The following SALL3 variants were observed in gnomAD, a reference collection of about 807,000 sequenced individuals.
The protein encoded by SALL3 is sal-like protein 3.
In SALL3, 25 loss-of-function variants were observed where a neutral mutation model predicts 66.2. The ratio of observed to expected loss-of-function variants is 0.38; its 90% CI spans 0.28 to 0.53. The LOEUF (loss-of-function observed/expected upper bound fraction) is 0.53. Among genes scored for constraint, SALL3 ranks in the 20% least tolerant of loss-of-function variants. The pLI, the probability that SALL3 is intolerant of heterozygous loss-of-function variation, is 0.85. For missense variants in SALL3, 2,194 were observed against 1,916.5 expected (o/e 1.14, Z -2.70); for synonymous variants, 1,152 against 899.1 (o/e 1.28, Z -5.03).
intron 1 of SALL3, among the ~76,000 whole-genome samples, chr18:78,989,434 T>C (rs1184616213): frequency 1.3e-5 from 2 of 152,196 alleles, no homozygotes; most frequent in African/African-American, 4.8e-5. Context: ...TGTGACAAAA[T>C]CTGGGAAATG....
At chr18:78,995,926 C>T (rs929920239) in intron 2 of SALL3, among the ~76,000 whole-genome samples, 2 of 152,144 alleles carry the variant, frequency 1.3e-5, no homozygotes, top group African/African-American at 2.4e-5. Context: ...ATGCCTTCAG[C>T]CAGGTTAGGC....
chr18:78,997,507 C>G lies in SALL3; in HGVS notation c.*185C>G. On this transcript the variant is annotated 3_prime_UTR_variant, in exon 3 of 3. Transcript: ENST00000537592. ...CCCTTCAACAGCAAGCCTGACTGTT[C>G]TCGAGAACTCTGCAATCTTTTAAAT... 1 of 593,694 alleles carries G rather than the reference C, an allele frequency of 1.7e-6. No homozygotes were observed. Among genetic ancestry groups the G allele is most frequent in the Non-Finnish European group, 2.9e-6 (1 of 343,462 alleles). 36.8% of individuals were successfully genotyped at this position (593,694 alleles called of 1,614,324 possible).
chr18:78,983,348 T>C (rs1914137784), intron 1 of SALL3, among the ~76,000 whole-genome samples: 1 of 152,192 alleles, frequency 6.6e-6, no homozygotes, highest in African/African-American at 2.4e-5. Flanking sequence ...CACTAAGAAC[T>C]TTAAAAGATA....
At chr18:78,991,386 G>GGA (rs750245755) in intron 1 of SALL3, among the ~76,000 whole-genome samples, 5 of 92,748 alleles carry the variant, frequency 5.4e-5, no homozygotes, top group South Asian at 4.5e-4. Flanking sequence ...ACAAGGGTGG[G>GGA]GGGGGGGGAA....
At position 78,998,506 on chromosome 18, in the gene SALL3, CTG is replaced by C. The variant is rs1288235021; in HGVS notation, c.*1187_*1188del. 6.6e-6 allele frequency: 1 copy of C among 152,200 alleles called. No individual in the cohort carries two copies. The highest frequency in any genetic ancestry group is 1.5e-5 in the Non-Finnish European group (1 of 68,034). The allele number at this position is 152,200 out of a possible 1,614,324, so 9.4% of individuals were successfully genotyped here. On this transcript the variant is annotated 3_prime_UTR_variant, in exon 3 of 3. Transcript: ENST00000537592. ...CTTTTCCACAAAGCCCACTTTAAAA[CTG>C]TGACCGCCCCCTAACGAAACCTTGG... is the stretch of plus-strand genomic sequence containing the variant.
At position 78,995,311 on chromosome 18, in the gene SALL3, G is replaced by C. The variant is rs772685704; in HGVS notation, c.3320G>C (p.Arg1107Pro). The C allele has an allele frequency of 6.4e-7, 1 of 1,568,788 alleles. No homozygotes were observed. ...GLAPMLAPPP[R>P]RTPKQHNCQS... ...GCGCCCATGCTGGCCCCCCCACCGC[G>C]CCGGACGCCCAAGCAGCACAACTGC... Residue 1107 changes from arginine (R) to proline (P), a missense_variant, in exon 2 of 3, where the codon CGC becomes CCC. Physicochemically the swap from Arg to Pro is moderately radical, Grantham distance 103. Transcript: ENST00000537592.
rs1914647418 is a variant in SALL3, at chr18:78,995,203, C to A, written c.3212C>A (p.Ala1071Asp). 6.2e-7 allele frequency: 1 copy of A among 1,609,872 alleles called. No homozygotes were observed. The change falls in exon 2 of 3, where the codon GCC (alanine) becomes GAC (aspartate). Residue 1071 changes from alanine (A) to aspartate (D), a missense_variant. By Grantham distance (126) the Ala-to-Asp change is moderately radical. Coordinates refer to ENST00000537592, the MANE Select transcript of SALL3 (RefSeq NM_171999.4). ...ATGGAAGTGAACGGTCACGGCAAGG[C>A]CATGGCGCTGGGCGAGGGTCCCCCG... Reference protein sequence around the residue: ...IKMEVNGHGKAMALGEGPPLP... With the variant: ...IKMEVNGHGKDMALGEGPPLP...
rs1344893514 is a variant in SALL3 at position 78,994,656 on chromosome 18, C to G, written c.2665C>G (p.Arg889Gly). ...GTCGGCCGTGGGCGACCTGGAGAGC[C>G]GCAGCGCGGGCAGCCCCGCCCTGTC... ...SSSAVGDLES[R>G]SAGSPALSES... Residue 889 changes from arginine to glycine, a missense_variant, in exon 2 of 3, where the codon CGC (arginine) becomes GGC (glycine). Transcript: ENST00000537592. 9 of 1,609,182 alleles carry G rather than the reference C, an allele frequency of 5.6e-6. No individual in the cohort carries two copies. Among genetic ancestry groups the G allele is most frequent in the Non-Finnish European group, 6.8e-6 (8 of 1,178,798 alleles).
rs1362405584 is a variant in SALL3 at position 78,980,173 on chromosome 18, CCGCGCCCCGCGCCG to C, written c.-94_-81del. On this transcript the variant is annotated 5_prime_UTR_variant, in exon 1 of 3. An upstream open reading frame in the 5' UTR loses its in-frame stop. Coordinates refer to ENST00000537592, the MANE Select transcript of SALL3 (RefSeq NM_171999.4). ...CGCGGCCCGCGCAGCCGCCGCCGCC[CCGCGCCCCGCGCCG>C]CGCGCCCGCCAGGCCGCCCCGCGCC... The C allele has an allele frequency of 3.6e-6, 1 of 276,354 alleles. No individual in the cohort carries two copies. The highest frequency in any genetic ancestry group is 5.4e-6 in the Non-Finnish European group (1 of 185,294). 17.1% of individuals were successfully genotyped at this position (276,354 alleles called of 1,614,324 possible).
At position 78,998,036 on chromosome 18, in the gene SALL3, TTTAAA is replaced by T. The variant is rs1914759901; in HGVS notation, c.*716_*720del. The T allele has an allele frequency of 6.6e-6, 1 of 150,570 alleles. No individual in the cohort carries two copies. The highest frequency in any genetic ancestry group is 1.5e-5 in the Non-Finnish European group (1 of 67,592). 9.3% of individuals were successfully genotyped at this position (150,570 alleles called of 1,614,324 possible). On this transcript the variant is annotated 3_prime_UTR_variant, in exon 3 of 3. Coordinates refer to ENST00000537592, the MANE Select transcript of SALL3 (RefSeq NM_171999.4). ...AAGCCTTTTTTTTTTTTTTTTTTAA[TTTAAA>T]TGTTTGTAGCTGCTATGTGGACAGT...
intron 1 of SALL3, among the ~76,000 whole-genome samples, chr18:78,988,678 G>A (rs1227333858): frequency 2.0e-5 from 3 of 152,052 alleles, no homozygotes; most frequent in African/African-American, 7.2e-5. Context: ...TGTGAAATTC[G>A]TTCTTATCTA....
At position 78,992,459 on chromosome 18, in the gene SALL3, G is replaced by A. The variant is rs1043985522; in HGVS notation, c.468G>A (p.Thr156=). 1.7e-5 allele frequency: 25 copies of A among 1,434,330 alleles called. No homozygotes were observed. Among genetic ancestry groups the A allele is most frequent in the African/African-American group, 3.0e-5 (2 of 65,898 alleles). The allele number at this position is 1,434,330 out of a possible 1,614,324, so 88.9% of individuals were successfully genotyped here. ...CGCCTGCGGCCCCTGCACCCCCAAC[G>A]CCCGCCTACGGCGCGCCCAGCACCA... ...RPPPAAPAPP[T]PAYGAPSTNV... The change falls in exon 2 of 3, where the codon ACG becomes ACA. Residue 156 remains threonine, a synonymous_variant. Transcript: ENST00000537592.
rs1208869288 is a variant in SALL3, at chr18:78,980,400, C to T, written c.82+44C>T. 13 of 1,245,382 alleles carry T rather than the reference C, an allele frequency of 1.0e-5. No individual in the cohort carries two copies. The East Asian group carries it at 3.7e-4, about 36-fold the overall frequency. 77.1% of individuals were successfully genotyped at this position (1,245,382 alleles called of 1,614,324 possible). The stretch of plus-strand genomic sequence containing the variant: ...GGGTGGCCGGGGGGTCTGGGGCTGC[C>T]CGTCCGGGCTGGGGAAGCGCGTGCG... On this transcript the variant is annotated intron_variant, in intron 1 of 2. Transcript: ENST00000537592.
At position 78,992,106 on chromosome 18, in the gene SALL3, A is replaced by C. The variant is rs377655976; in HGVS notation, c.115A>C (p.Ser39Arg). Reference sequence around the variant, plus strand: ...GGGGGAAGGTGCGGAGGACGCAGACAGCGGGCCCGAGAGCCGCAGCGGGGG... The same window carrying C: ...GGGGGAAGGTGCGGAGGACGCAGACCGCGGGCCCGAGAGCCGCAGCGGGGG... ...APGEGAEDAD[S>R]GPESRSGGEE... The change falls in exon 2 of 3, where the codon AGC becomes CGC. Residue 39 changes from serine to arginine, a missense_variant. By Grantham distance (110) the Ser-to-Arg change is moderately radical (BLOSUM62 -1). Transcript: ENST00000537592. The C allele has an allele frequency of 6.3e-7, 1 of 1,581,826 alleles. No individual in the cohort carries two copies. Among genetic ancestry groups the C allele is most frequent in the Non-Finnish European group, 8.6e-7 (1 of 1,164,474 alleles).
intron 1 of SALL3, among the ~76,000 whole-genome samples, chr18:78,982,701 A>T (rs1290742359): frequency 6.6e-6 from 1 of 152,194 alleles, no homozygotes; most frequent in South Asian, 2.1e-4. Context: ...TCAAAATTTT[A>T]ATTTTGTTAA....
At chr18:78,982,482 A>T (rs1436806390) in intron 1 of SALL3, among the ~76,000 whole-genome samples, 1 of 151,970 alleles carries the variant, frequency 6.6e-6, no homozygotes, top group African/African-American at 2.4e-5. Context: ...TAGGCAAACT[A>T]TTTTTTTTAA....
At chr18:78,980,424 C>A in intron 1 of SALL3, 68 bp downstream of exon 1, 1 of 998,268 alleles carries the variant, frequency 1.0e-6, no homozygotes, top group Non-Finnish European at 1.3e-6. Context: ...GAAGCGCGTG[C>A]GGCGGGAGCG....
rs1336202476 is a variant in SALL3 at position 78,998,717 on chromosome 18, T to C, written c.*1395T>C. 1 of 152,252 alleles carries C rather than the reference T, an allele frequency of 6.6e-6. No individual in the cohort carries two copies. Among genetic ancestry groups the C allele is most frequent in the Non-Finnish European group, 1.5e-5 (1 of 68,046 alleles). The allele number at this position is 152,252 out of a possible 1,614,324, so 9.4% of individuals were successfully genotyped here. Reference sequence around the variant, plus strand: ...AAGAGAAATGGCAAGTATCAGGCAGTACAATCAGTCATGACTTTGAAATTT... The same window carrying C: ...AAGAGAAATGGCAAGTATCAGGCAGCACAATCAGTCATGACTTTGAAATTT... On this transcript the variant is annotated 3_prime_UTR_variant, in exon 3 of 3. Transcript: ENST00000537592.
At position 78,994,977 on chromosome 18, in the gene SALL3, T is replaced by C. The variant is rs958272156; in HGVS notation, c.2986T>C (p.Tyr996His). 6.2e-7 allele frequency: 1 copy of C among 1,613,644 alleles called. No homozygotes were observed. Among genetic ancestry groups the C allele is most frequent in the Non-Finnish European group, 8.5e-7 (1 of 1,180,006 alleles). ...FACKSALEIH[Y>H]RSHTKERPFV... ...TTGCAAGAGCGCGTTGGAAATCCAC[T>C]ACCGCAGCCATACTAAGGAGCGGCC... Residue 996 changes from tyrosine to histidine, a missense_variant, in exon 2 of 3, where the codon TAC becomes CAC. By Grantham distance (83) the Tyr-to-His change is moderately conservative. Transcript: ENST00000537592.
Sources: gnomAD v4.1 joint callset for allele counts (sites outside exome capture counted in the v4.1 genomes callset) on GRCh38, gnomAD v4.1.1 for gene constraint, MANE v1.5 for transcripts, NCBI Gene and HGNC (gene_info 2026-07-23, HGNC 2026-07-21) for gene names.